The following CNOT2 variants were observed in gnomAD, a reference collection of about 807,000 sequenced individuals.
CNOT2 encodes CCR4-NOT transcription complex subunit 2.
In CNOT2, 7 loss-of-function variants were observed where a neutral mutation model predicts 72.1. The ratio of observed to expected loss-of-function variants is 0.10; its 90% confidence interval spans 0.06 to 0.18. CNOT2 has a LOEUF of 0.18. Ranked by LOEUF, CNOT2 falls within the 10% of genes least tolerant of loss-of-function variation. The probability of loss-of-function intolerance (pLI) is 1.00; values close to 1 mark genes in which losing one functional copy is unlikely to be tolerated. For synonymous variants in CNOT2, 196 were observed against 225.6 expected, an observed-to-expected ratio of 0.87 and a Z score of 1.17; for missense variants, 345 against 660.3, an observed-to-expected ratio of 0.52 and a Z score of 5.23.
intron 2 of CNOT2, chr12:70,294,148 G>A (rs1393359019): frequency 7.8e-7 from 1 of 1,289,328 alleles, no homozygotes; most frequent in African/African-American, 1.5e-5. Context: ...CAGAGCTATG[G>A]CGTCAACCCT....
intron 14 of CNOT2, chr12:70,345,864 GTCTT>G (rs979602992): frequency 2.8e-4 from 55 of 197,706 alleles, no homozygotes; most frequent in African/African-American, 1.2e-3. Flanking sequence ...AACACATTGT[GTCTT>G]TATTTGGTCT....
intron 13 of CNOT2, 45 bp downstream of exon 13, chr12:70,342,352 AT>A: frequency 6.2e-7 from 1 of 1,602,336 alleles, no homozygotes; most frequent in Non-Finnish European, 8.5e-7. Flanking sequence ...GAATTTATCT[AT>A]TTTTCACATG....
chr12:70,325,071 T>A (rs1349173343), intron 4 of CNOT2, among the ~76,000 whole-genome samples: 1 of 151,874 alleles, frequency 6.6e-6, no homozygotes, highest in Non-Finnish European at 1.5e-5. Context: ...TAGCACTTAT[T>A]TATTTTTAAG....
intron 1 of CNOT2, among the ~76,000 whole-genome samples, chr12:70,260,260 A>C (rs1341834073): frequency 6.6e-6 from 1 of 151,960 alleles, no homozygotes; most frequent in Non-Finnish European, 1.5e-5. Context: ...ATAGTTATTT[A>C]ATTTCTTTTT....
intron 1 of CNOT2, among the ~76,000 whole-genome samples, chr12:70,256,736 A>G (rs1377224499): frequency 6.6e-6 from 1 of 151,964 alleles, no homozygotes; most frequent in Non-Finnish European, 1.5e-5. Context: ...CTTTGCATGC[A>G]TGTGTTTGTA....
At chr12:70,243,935 T>G (rs976900019) in intron 1 of CNOT2, 1 of 152,234 alleles carries the variant, frequency 6.6e-6, no homozygotes, top group African/African-American at 2.4e-5. Context: ...GCCGACGAGC[T>G]CGAGCCCGCT....
chr12:70,291,260 C>T (rs1214126439), intron 2 of CNOT2, among the ~76,000 whole-genome samples: 1 of 152,076 alleles, frequency 6.6e-6, no homozygotes, highest in Non-Finnish European at 1.5e-5. Context: ...AGTATATTAT[C>T]TCTGTATTGT....
intron 2 of CNOT2, among the ~76,000 whole-genome samples, chr12:70,298,271 AG>A (rs1221151548): frequency 1.1e-4 from 16 of 152,316 alleles, no homozygotes; most frequent in Non-Finnish European, 2.1e-4. Context: ...TCACAATATA[AG>A]GACCTTCCTC....
chr12:70,344,010 C>G (rs1881844704), intron 13 of CNOT2, 118 bp from the exon 14 acceptor site: 2 of 588,324 alleles, frequency 3.4e-6, no homozygotes, highest in Non-Finnish European at 6.0e-6. Flanking sequence ...TAACAGTTAT[C>G]TACTACAAAG....
chr12:70,305,874 T>TA (rs1555198855), intron 2 of CNOT2, among the ~76,000 whole-genome samples: 1 of 7,052 alleles, frequency 1.4e-4, no homozygotes, highest in Non-Finnish European at 4.3e-4. Flanking sequence ...CTGAAGTTTG[T>TA]TTTTTTTTTT....
chr12:70,277,667 G>A (rs1723583916), intron 1 of CNOT2, among the ~76,000 whole-genome samples: 1 of 152,150 alleles, frequency 6.6e-6, no homozygotes, highest in Non-Finnish European at 1.5e-5. Flanking sequence ...AACCTACACA[G>A]AATGAATCGG....
Position 70,278,313 on chromosome 12 carries a change from A to G in CNOT2, c.48+39A>G, listed in dbSNP as rs760173781. The G allele has an allele frequency of 9.2e-6, 13 of 1,410,616 alleles. 1 individual carries two copies. The highest frequency in any genetic ancestry group is 6.7e-5 in the Admixed American group (4 of 59,560). 87.4% of individuals were successfully genotyped at this position (1,410,616 alleles called of 1,614,324 possible). A position where few individuals can be genotyped will look rare whatever the true frequency, so the allele number is the denominator to read the frequency against. On this transcript the variant is annotated intron_variant, in intron 2 of 15. Coordinates refer to ENST00000229195, the MANE Select transcript of CNOT2 (RefSeq NM_014515.7). Reference sequence around the variant, plus strand: ...TTCTTCTTTTTTCTCTATTGGTCTTATAGCTACATTGAAACTGTTCAAATG... The same window carrying G: ...TTCTTCTTTTTTCTCTATTGGTCTTGTAGCTACATTGAAACTGTTCAAATG...
intron 13 of CNOT2, 157 bp downstream of exon 13, chr12:70,342,464 G>A: frequency 2.4e-6 from 2 of 848,332 alleles, no homozygotes; most frequent in Admixed American, 3.3e-5. Context: ...GTAAATGTTA[G>A]GACTGGTAAA....
chr12:70,352,229 T>C (rs1882959121), intron 15 of CNOT2, among the ~76,000 whole-genome samples: 1 of 117,352 alleles, frequency 8.5e-6, no homozygotes, highest in Admixed American at 9.5e-5. Flanking sequence ...TGGGTCTGGA[T>C]CCTAATGCTA....
intron 2 of CNOT2, among the ~76,000 whole-genome samples, chr12:70,306,411 C>T (rs1056840389): frequency 1.3e-5 from 2 of 152,162 alleles, no homozygotes; most frequent in Non-Finnish European, 1.5e-5. Context: ...CCTGCCTTGG[C>T]CTCCCAAAGT....
chr12:70,342,498 A>G (rs912784758), intron 13 of CNOT2, 191 bp downstream of exon 13: 12 of 613,210 alleles, frequency 2.0e-5, no homozygotes, highest in Non-Finnish European at 3.3e-5. Flanking sequence ...TACATTTAAC[A>G]ACAGGTTACA....
intron 13 of CNOT2, 69 bp from the exon 14 acceptor site, chr12:70,344,059 A>G: frequency 2.1e-6 from 2 of 970,688 alleles, no homozygotes; most frequent in South Asian, 1.7e-5. Flanking sequence ...TTTCTTTAGT[A>G]GTAGCAACTA....
chr12:70,249,060 A>T lies in CNOT2; in HGVS notation c.-96+5580A>T, dbSNP rs138800968. Among the ~76,000 whole-genome samples, 128 of 152,210 alleles carry T rather than the reference A, an allele frequency of 8.4e-4. 1 individual carries two copies. The highest frequency in any genetic ancestry group is 2.9e-3 in the African/African-American group (121 of 41,572). ...CATTTGTGTATTCAGATGTTGAAACAGCTCCAGTTTGTATTAGCATCTGGA... is the reference window on the plus strand; with the variant it reads ...CATTTGTGTATTCAGATGTTGAAACTGCTCCAGTTTGTATTAGCATCTGGA... On this transcript the variant is annotated intron_variant, in intron 1 of 15. Transcript: ENST00000229195.
chr12:70,329,295 T>C, intron 4 of CNOT2, 128 bp from the exon 5 acceptor site: 1 of 595,706 alleles, frequency 1.7e-6, no homozygotes, highest in Admixed American at 2.9e-5. Flanking sequence ...GTGAATCGAA[T>C]ATATCCATTT....
Sources: gnomAD v4.1 joint callset for allele counts (sites outside exome capture counted in the v4.1 genomes callset) on GRCh38, gnomAD v4.1.1 for gene constraint, MANE v1.5 for transcripts, NCBI Gene and HGNC (gene_info 2026-07-23, HGNC 2026-07-21) for gene names.